CEP192: variants seen among roughly 807,000 people sequenced by gnomAD.
CEP192 encodes centrosomal protein of 192 kDa.
A neutral mutation model predicts 271.8 loss-of-function variants in CEP192; 151 were observed. That is an observed-to-expected ratio of 0.56 (90% CI 0.49 to 0.64). The LOEUF is 0.64. Ranked by LOEUF, CEP192 falls within the 30% of genes least tolerant of loss-of-function variation. The pLI is 0.00. For synonymous variants in CEP192, 995 were observed against 1,076.5 expected (o/e 0.92, Z 1.48); for missense variants, 2,910 against 3,020.5 (o/e 0.96, Z 0.86).
intron 40 of CEP192, among the ~76,000 whole-genome samples, chr18:13,106,702 G>A (rs1471314173): frequency 8.0e-6 from 1 of 124,880 alleles, no homozygotes; most frequent in Non-Finnish European, 1.6e-5. Flanking sequence ...TTACAACTAC[G>A]GTCATCTTCT....
At position 13,117,601 on chromosome 18, in the gene CEP192, C is replaced by T. The variant is rs749320459; in HGVS notation, c.7433C>T (p.Pro2478Leu). The T allele has an allele frequency of 6.2e-6, 10 of 1,611,268 alleles. No homozygotes were observed. In the African/African-American group the frequency reaches 1.3e-4, roughly 22 times the overall value. The change falls in exon 44 of 45, where the codon CCC becomes CTC. Residue 2478 changes from proline to leucine, a missense_variant. Physicochemically the swap from Pro to Leu is moderately conservative, Grantham distance 98. Coordinates refer to ENST00000506447, the MANE Select transcript of CEP192 (RefSeq NM_032142.4). ...AAATTCCAGCTGAAGTTTTTGAGTC[C>T]CAGAGAGCCATTCTATGTCAAACAT... ...FITHSLKFLS[P>L]REPFYVKHSK... is the part of the protein sequence containing the mutation.
chr18:12,999,078 C>T (rs1287708201), intron 1 of CEP192, among the ~76,000 whole-genome samples: 27 of 152,000 alleles, frequency 1.8e-4, no homozygotes, highest in Admixed American at 1.8e-3. Flanking sequence ...TTTGTATATA[C>T]CATCAGTGTT....
At chr18:13,076,451 C>G (rs987153323) in intron 30 of CEP192, among the ~76,000 whole-genome samples, 1 of 152,058 alleles carries the variant, frequency 6.6e-6, no homozygotes, top group Non-Finnish European at 1.5e-5. Flanking sequence ...CTCTTGACCT[C>G]GTGATCCACC....
chr18:13,056,302 GCTGACATGCAGAACATGC>G lies in CEP192; in HGVS notation c.3716_3733del (p.Asp1239_Pro1244del), dbSNP rs761317196. 8.2e-5 allele frequency: 133 copies of G among 1,614,038 alleles called. No individual in the cohort carries two copies. The highest frequency in any genetic ancestry group is 1.1e-4 in the Non-Finnish European group (133 of 1,180,000). Reference sequence around the variant, plus strand: ...CAGCAGCACAGTTCACAGCTCTGTGGCTGACATGCAGAACATGCCTGCTGCTGTGCACGCACTCTTGAC... The same window carrying G: ...CAGCAGCACAGTTCACAGCTCTGTGGCTGCTGCTGTGCACGCACTCTTGAC... On this transcript the variant is annotated inframe_deletion, in exon 19 of 45. Coordinates refer to ENST00000506447, the MANE Select transcript of CEP192 (RefSeq NM_032142.4).
chr18:13,038,618 G>A (rs2036035746), intron 13 of CEP192, 39 bp downstream of exon 13: 8 of 1,432,582 alleles, frequency 5.6e-6, no homozygotes, highest in Non-Finnish European at 7.7e-6. Context: ...ACAGTCACCA[G>A]ATTTTAGATT....
At chr18:13,022,427 C>G (rs1344299394) in intron 9 of CEP192, among the ~76,000 whole-genome samples, 1 of 151,996 alleles carries the variant, frequency 6.6e-6, no homozygotes, top group East Asian at 1.9e-4. Context: ...GTCACCCAGG[C>G]TGGAGTGCAG....
intron 33 of CEP192, among the ~76,000 whole-genome samples, chr18:13,091,472 G>C (rs1202882830): frequency 6.3e-5 from 1 of 15,960 alleles, no homozygotes; most frequent in Non-Finnish European, 9.7e-5. Flanking sequence ...AGATCACCTG[G>C]AGTATAATGC....
At chr18:13,017,417 G>A (rs1401870578) in intron 7 of CEP192, 81 bp downstream of exon 7, 4 of 1,137,498 alleles carry the variant, frequency 3.5e-6, no homozygotes, top group Non-Finnish European at 3.6e-6. Context: ...CACATGAAAT[G>A]TAAGCCTTTG....
intron 4 of CEP192, among the ~76,000 whole-genome samples, chr18:13,011,206 G>GAC (rs2145896508): frequency 7.1e-6 from 1 of 141,550 alleles, no homozygotes; most frequent in South Asian, 2.3e-4. Flanking sequence ...CAGCCTGGGT[G>GAC]ACAGAGAGAG....
intron 15 of CEP192, among the ~76,000 whole-genome samples, chr18:13,044,550 C>T (rs905905304): frequency 6.6e-6 from 1 of 152,164 alleles, no homozygotes; most frequent in Non-Finnish European, 1.5e-5. Flanking sequence ...GAGTGCTTCT[C>T]TAGATCTGTT....
chr18:13,000,091 CTTTTTTTTTTTTTTTT>C (rs775544715), intron 2 of CEP192, among the ~76,000 whole-genome samples: 2 of 76,750 alleles, frequency 2.6e-5, no homozygotes, highest in East Asian at 7.5e-4. Flanking sequence ...TGTCTTCTCT[CTTTTTTTTTTTTTTTT>C]TTTTTTTTTT....
At chr18:13,107,245 T>G (rs1317750503) in intron 40 of CEP192, among the ~76,000 whole-genome samples, 1 of 152,212 alleles carries the variant, frequency 6.6e-6, no homozygotes, top group Non-Finnish European at 1.5e-5. Context: ...GACTCTAGTC[T>G]TAGCTACTCA....
chr18:13,118,475 AC>A (rs1403801516), intron 44 of CEP192, among the ~76,000 whole-genome samples: 2 of 152,028 alleles, frequency 1.3e-5, no homozygotes, highest in African/African-American at 4.8e-5. Context: ...TGTTCCTTCC[AC>A]CTTACTCTTT....
chr18:13,067,542 G>T (rs1016362378), intron 21 of CEP192, among the ~76,000 whole-genome samples: 1 of 152,222 alleles, frequency 6.6e-6, no homozygotes. Flanking sequence ...CCATTGAAAA[G>T]GGGTCTATAA....
chr18:13,081,679 C>A (rs2038618988), intron 30 of CEP192, among the ~76,000 whole-genome samples: 1 of 152,140 alleles, frequency 6.6e-6, no homozygotes, highest in Non-Finnish European at 1.5e-5. Flanking sequence ...CTTCTGCTAG[C>A]TTTTGAATGT....
At chr18:13,003,966 G>A (rs1274213089) in intron 3 of CEP192, among the ~76,000 whole-genome samples, 2 of 152,158 alleles carry the variant, frequency 1.3e-5, no homozygotes, top group Admixed American at 6.5e-5. Context: ...AATCAACAGC[G>A]AGATTAAGAG....
At chr18:13,039,927 G>C (rs539411765) in intron 13 of CEP192, among the ~76,000 whole-genome samples, 15 of 152,308 alleles carry the variant, frequency 9.8e-5, no homozygotes, top group African/African-American at 3.6e-4. Flanking sequence ...AAGAATTCAA[G>C]ATTTATTCTA....
In CEP192 at chr18:13,124,780, A is replaced by G. The variant is rs562897034; in HGVS notation, c.*10A>G. 5 of 1,588,880 alleles carry G rather than the reference A, an allele frequency of 3.1e-6. No individual in the cohort carries two copies. Among genetic ancestry groups the G allele is most frequent in the Non-Finnish European group, 3.4e-6 (4 of 1,159,504 alleles). Reference sequence around the variant, plus strand: ...TCTTGGAAAAAATTAACTAGAATACATTTTTGTGTAAAGTAAATTACATAA... The same window carrying G: ...TCTTGGAAAAAATTAACTAGAATACGTTTTTGTGTAAAGTAAATTACATAA... On this transcript the variant is annotated 3_prime_UTR_variant, in exon 45 of 45. Coordinates refer to ENST00000506447, the MANE Select transcript of CEP192 (RefSeq NM_032142.4).
chr18:13,068,031 T>G (rs1331721590), intron 22 of CEP192, 63 bp from the exon 23 acceptor site: 2 of 1,602,944 alleles, frequency 1.2e-6, no homozygotes, highest in Non-Finnish European at 1.7e-6. Flanking sequence ...TTTAAGGATT[T>G]TGTTAGCAAA....
Sources: gnomAD v4.1 joint callset for allele counts (sites outside exome capture counted in the v4.1 genomes callset) on GRCh38, gnomAD v4.1.1 for gene constraint, MANE v1.5 for transcripts, NCBI Gene and HGNC (gene_info 2026-07-23, HGNC 2026-07-21) for gene names.